Variants in RNF168 observed in about 807,000 individuals in gnomAD.
The protein encoded by RNF168 is E3 ubiquitin-protein ligase RNF168.
In RNF168, 34 loss-of-function variants were observed where a neutral mutation model predicts 34.9. The ratio of observed to expected loss-of-function variants is 0.97; its 90% confidence interval spans 0.74 to 1.30. The LOEUF is 1.30. Ranked by LOEUF, RNF168 falls within the 50% of genes most tolerant of loss-of-function variation. The pLI is 0.00. For synonymous variants in RNF168, 264 were observed against 254.7 expected, an observed-to-expected ratio of 1.04 and a Z score of -0.35; for missense variants, 725 against 682.5, an observed-to-expected ratio of 1.06 and a Z score of -0.69.
At chr3:196,493,838 T>A (rs551512475) in intron 1 of RNF168, among the ~76,000 whole-genome samples, 213 of 150,600 alleles carry the variant, frequency 1.4e-3, no homozygotes, top group African/African-American at 5.2e-3. Flanking sequence ...TTGCTATTTC[T>A]TTCTTTTTTT....
At chr3:196,481,813 T>C (rs1365282817) in intron 4 of RNF168, among the ~76,000 whole-genome samples, 1 of 146,536 alleles carries the variant, frequency 6.8e-6, no homozygotes, top group Non-Finnish European at 1.5e-5. Context: ...GCCACTGCAT[T>C]TGGCTAATTT....
intron 3 of RNF168, among the ~76,000 whole-genome samples, chr3:196,486,668 T>C (rs1313289351): frequency 1.3e-5 from 2 of 152,218 alleles, no homozygotes; most frequent in Non-Finnish European, 2.9e-5. Context: ...TAATAGTGGT[T>C]ACCTTTGGGG....
chr3:196,483,641 C>T, intron 4 of RNF168, 129 bp downstream of exon 4: 1 of 799,212 alleles, frequency 1.3e-6, no homozygotes, highest in Non-Finnish European at 2.2e-6. Context: ...TTCAATTTAC[C>T]TCAACCTCAG....
chr3:196,471,055 G>A lies in RNF168; in HGVS notation c.*764C>T, dbSNP rs1731987134. On this transcript the variant is annotated 3_prime_UTR_variant, in exon 6 of 6. Coordinates refer to ENST00000318037, the MANE Select transcript of RNF168 (RefSeq NM_152617.4). The stretch of plus-strand genomic sequence containing the variant: ...AAAAAAAAATTAGCTGGGTAGCTGG[G>A]TGTAGTGGCACATGCCTATGATCCC... 1 of 151,866 alleles carries A rather than the reference G, an allele frequency of 6.6e-6. No individual in the cohort carries two copies. Among genetic ancestry groups the A allele is most frequent in the African/African-American group, 2.4e-5 (1 of 41,364 alleles). The allele number at this position is 151,866 out of a possible 1,614,324, so 9.4% of individuals were successfully genotyped here.
At position 196,471,270 on chromosome 3, in the gene RNF168, AACTCCGTCT is replaced by A; in HGVS notation, c.*540_*548del. 1 of 149,966 alleles carries A rather than the reference AACTCCGTCT, an allele frequency of 6.7e-6. No homozygotes were observed. Among genetic ancestry groups the A allele is most frequent in the Non-Finnish European group, 1.5e-5 (1 of 67,570 alleles). 9.3% of individuals were successfully genotyped at this position (149,966 alleles called of 1,614,324 possible). On this transcript the variant is annotated 3_prime_UTR_variant, in exon 6 of 6. Coordinates refer to ENST00000318037, the MANE Select transcript of RNF168 (RefSeq NM_152617.4). ...ATATGAATATGAATCCAAATTTTGAAACTCCGTCTAAAAAAAAAAAACAAACACCAAAGG... is the reference window on the plus strand; with the variant it reads ...ATATGAATATGAATCCAAATTTTGAAAAAAAAAAAAAACAAACACCAAAGG...
rs1732908105 is a variant in RNF168, at chr3:196,502,116, T to TA, written c.301+756dup. 3.1e-5 allele frequency among the ~76,000 whole-genome samples: 4 copies of TA among 130,718 alleles called. No homozygotes were observed. In the South Asian group the frequency reaches 1.1e-3, roughly 36 times the overall value. 85.8% of individuals were successfully genotyped at this position (130,718 alleles called of 152,430 possible). On this transcript the variant is annotated intron_variant, in intron 1 of 5. Transcript: ENST00000318037. ...ACGAGAGAACGGAGACACCATATCC[T>TA]AAGCCCAGACAGGAACCACCGCCCG...
At chr3:196,474,128 T>C (rs1214166366) in intron 5 of RNF168, among the ~76,000 whole-genome samples, 2 of 148,640 alleles carry the variant, frequency 1.3e-5, no homozygotes, top group South Asian at 2.2e-4. Flanking sequence ...CTTGCAATTT[T>C]TTTTTTTTTT....
rs1267541068 is a variant in RNF168 at position 196,489,106 on chromosome 3, T to C, written c.302-423A>G. ...CCTGACCTCAAGTGATCCACCCGCC[T>C]TGGCCTCCCAAAGTGCTGCGATTAC... is the stretch of plus-strand genomic sequence containing the variant. On this transcript the variant is annotated intron_variant, in intron 1 of 5. Coordinates refer to ENST00000318037, the MANE Select transcript of RNF168 (RefSeq NM_152617.4). Among the ~76,000 whole-genome samples, 3 of 152,156 alleles carry C rather than the reference T, an allele frequency of 2.0e-5. No individual in the cohort carries two copies. In the East Asian group the frequency reaches 5.8e-4, roughly 29 times the overall value.
intron 4 of RNF168, among the ~76,000 whole-genome samples, chr3:196,478,903 A>C (rs1429745759): frequency 6.6e-6 from 1 of 150,814 alleles, no homozygotes; most frequent in Non-Finnish European, 1.5e-5. Context: ...TTTTTGGTAG[A>C]GACAGGACAG....
intron 1 of RNF168, among the ~76,000 whole-genome samples, chr3:196,491,001 G>C (rs976805518): frequency 1.3e-5 from 2 of 152,168 alleles, no homozygotes; most frequent in East Asian, 3.9e-4. Context: ...AAACTGCAGA[G>C]TCAAACTATT....
intron 1 of RNF168, among the ~76,000 whole-genome samples, chr3:196,491,244 C>CG (rs1732588703): frequency 6.6e-6 from 1 of 152,114 alleles, no homozygotes; most frequent in Admixed American, 6.5e-5. Context: ...ACCCGGGAGG[C>CG]GGAGGCTGCA....
chr3:196,492,370 AAAC>A (rs1246973899), intron 1 of RNF168, among the ~76,000 whole-genome samples: 1 of 152,148 alleles, frequency 6.6e-6, no homozygotes, highest in Non-Finnish European at 1.5e-5. Flanking sequence ...TAATTTAGGA[AAAC>A]AATAATAAGA....
At chr3:196,477,423 A>G (rs1272535472) in intron 4 of RNF168, among the ~76,000 whole-genome samples, 1 of 152,266 alleles carries the variant, frequency 6.6e-6, no homozygotes, top group Non-Finnish European at 1.5e-5. Context: ...CAAAGATCTC[A>G]TATAAAGAAC....
chr3:196,490,420 G>A lies in RNF168; in HGVS notation c.302-1737C>T, dbSNP rs532518801. 5.9e-5 allele frequency among the ~76,000 whole-genome samples: 9 copies of A among 152,240 alleles called. 1 individual carries two copies. In the South Asian group the frequency reaches 6.2e-4, roughly 11 times the overall value. On this transcript the variant is annotated intron_variant, in intron 1 of 5. Coordinates refer to ENST00000318037, the MANE Select transcript of RNF168 (RefSeq NM_152617.4). ...ACTACCAGGAAACTCAGGCCTGTCC[G>A]TGCCATATTTTTTGCTTTCTCAAGA...
At chr3:196,488,901 G>T (rs1732525298) in intron 1 of RNF168, among the ~76,000 whole-genome samples, 1 of 151,696 alleles carries the variant, frequency 6.6e-6, no homozygotes, top group African/African-American at 2.4e-5. Flanking sequence ...GCCCAGGCTG[G>T]AGTGCAGTGG....
chr3:196,498,295 T>C (rs1441671665), intron 1 of RNF168, among the ~76,000 whole-genome samples: 1 of 152,056 alleles, frequency 6.6e-6, no homozygotes, highest in Non-Finnish European at 1.5e-5. Context: ...TGGCTGGTAT[T>C]ACAGGTGCCC....
chr3:196,498,162 T>C (rs1344801309), intron 1 of RNF168, among the ~76,000 whole-genome samples: 1 of 151,900 alleles, frequency 6.6e-6, no homozygotes, highest in African/African-American at 2.4e-5. Flanking sequence ...TGGTAGTTTC[T>C]TCTTTCTTTT....
chr3:196,500,078 G>A (rs1322453273), intron 1 of RNF168, among the ~76,000 whole-genome samples: 2 of 152,298 alleles, frequency 1.3e-5, no homozygotes, highest in East Asian at 3.9e-4. Context: ...TACAGTCACT[G>A]TGGAAAACAG....
rs548932648 is a variant in RNF168 at position 196,473,904 on chromosome 3, C to A, written c.763-1132G>T. ...TTCTATAAGTTACTTCTATAAGTAA[C>A]TTGACTGGGTGTATTTCTCACCAAG... On this transcript the variant is annotated intron_variant, in intron 5 of 5. Coordinates refer to ENST00000318037, the MANE Select transcript of RNF168 (RefSeq NM_152617.4). Among the ~76,000 whole-genome samples, 361 of 152,148 alleles carry A rather than the reference C, an allele frequency of 2.4e-3. 1 individual carries two copies. The highest frequency in any genetic ancestry group is 8.5e-3 in the African/African-American group (351 of 41,494).
Sources: allele counts gnomAD v4.1 joint callset (sites outside exome capture counted in the v4.1 genomes callset), GRCh38; gene constraint gnomAD v4.1.1; transcripts MANE v1.5; gene names NCBI Gene and HGNC (gene_info 2026-07-23, HGNC 2026-07-21).